Variants in TRIM24 observed in about 807,000 individuals in gnomAD.
TRIM24 encodes the protein transcription intermediary factor 1-alpha.
TRIM24 carries 29 observed loss-of-function variants against 123.9 expected under a neutral mutation model. The ratio of observed to expected loss-of-function variants is 0.23; its 90% CI spans 0.17 to 0.32. The LOEUF is 0.32. Ranked by LOEUF, TRIM24 falls within the 10% of genes least tolerant of loss-of-function variation. The pLI is 1.00. For missense variants in TRIM24, 932 were observed against 1,295.3 expected (o/e 0.72, Z 4.31); for synonymous variants, 456 against 461.1 (o/e 0.99, Z 0.14).
intron 1 of TRIM24, among the ~76,000 whole-genome samples, chr7:138,463,041 G>GTTTTTTTTTTTT: frequency 1.6e-5 from 1 of 61,202 alleles, no homozygotes; most frequent in South Asian, 5.4e-4. Flanking sequence ...GGCTAATTTT[G>GTTTTTTTTTTTT]TGTTTTTTTT....
At chr7:138,504,199 T>A (rs1209641289) in intron 1 of TRIM24, 91 bp from the exon 2 acceptor site, 1 of 767,974 alleles carries the variant, frequency 1.3e-6, no homozygotes, top group Non-Finnish European at 1.9e-6. Flanking sequence ...GAATGGACAT[T>A]GAAAAAGAAC....
At position 138,460,851 on chromosome 7, in the gene TRIM24, C is replaced by T. The variant is rs748543311; in HGVS notation, c.303C>T (p.Thr101=). The stretch of plus-strand genomic sequence containing the variant: ...CGCCCATGCTGGGCTCGGCCGAGAC[C>T]CCGCCACCCGTCCCTGCCCCCGGCT... ...LPAPMLGSAE[T]PPPVPAPGSP... The change falls in exon 1 of 19, where the codon ACC becomes ACT. Residue 101 remains threonine (T), a synonymous_variant. Coordinates refer to ENST00000343526, the MANE Select transcript of TRIM24 (RefSeq NM_015905.3). 1.3e-5 allele frequency: 20 copies of T among 1,559,852 alleles called. No individual in the cohort carries two copies. The highest frequency in any genetic ancestry group is 1.7e-5 in the Non-Finnish European group (20 of 1,161,450).
At chr7:138,524,631 CG>C (rs1459573696) in intron 4 of TRIM24, among the ~76,000 whole-genome samples, 6 of 152,050 alleles carry the variant, frequency 3.9e-5, no homozygotes, top group African/African-American at 1.4e-4. Context: ...TCTTCTATAT[CG>C]TTGCCTTTCT....
intron 10 of TRIM24, among the ~76,000 whole-genome samples, chr7:138,569,837 A>G (rs1797616438): frequency 6.6e-6 from 1 of 152,188 alleles, no homozygotes; most frequent in Admixed American, 6.5e-5. Context: ...TTCTTCCAGC[A>G]TGAAAATTTT....
chr7:138,561,459 T>G (rs1213228850), intron 9 of TRIM24, among the ~76,000 whole-genome samples: 1 of 152,176 alleles, frequency 6.6e-6, no homozygotes, highest in African/African-American at 2.4e-5. Flanking sequence ...ATAGGAGCCC[T>G]TGGTATTGAG....
chr7:138,514,142 C>G (rs1446862078), intron 2 of TRIM24, among the ~76,000 whole-genome samples: 1 of 152,172 alleles, frequency 6.6e-6, no homozygotes, highest in Non-Finnish European at 1.5e-5. Context: ...ATGGACATAT[C>G]AGGTATTTGG....
intron 3 of TRIM24, among the ~76,000 whole-genome samples, chr7:138,517,253 A>G (rs573700724): frequency 6.6e-6 from 1 of 152,146 alleles, no homozygotes; most frequent in East Asian, 1.9e-4. Context: ...ATGTTTATAT[A>G]TTTGTATCTT....
intron 1 of TRIM24, chr7:138,490,566 C>G (rs1179210613): frequency 4.8e-6 from 1 of 208,162 alleles, no homozygotes; most frequent in Non-Finnish European, 9.5e-6. Context: ...TTTTTATTTG[C>G]CACAATTAGA....
intron 6 of TRIM24, among the ~76,000 whole-genome samples, chr7:138,538,287 G>T (rs1229276370): frequency 6.6e-6 from 1 of 152,178 alleles, no homozygotes; most frequent in Non-Finnish European, 1.5e-5. Flanking sequence ...TAAATTATGT[G>T]ATAGAGTTAC....
intron 2 of TRIM24, among the ~76,000 whole-genome samples, chr7:138,509,362 A>G (rs1489711376): frequency 2.7e-5 from 4 of 148,998 alleles, no homozygotes; most frequent in Non-Finnish European, 5.9e-5. Context: ...TATGCGTAAT[A>G]TATAATACAG....
At chr7:138,501,343 G>A (rs1251390278) in intron 1 of TRIM24, among the ~76,000 whole-genome samples, 2 of 151,964 alleles carry the variant, frequency 1.3e-5, no homozygotes, top group African/African-American at 4.8e-5. Flanking sequence ...CAGTTCTCCT[G>A]CCTCAGCCTC....
At chr7:138,528,785 C>T (rs1796666151) in intron 5 of TRIM24, among the ~76,000 whole-genome samples, 1 of 13,058 alleles carries the variant, frequency 7.7e-5, no homozygotes, top group African/African-American at 6.0e-4. Flanking sequence ...CCACCCCCAC[C>T]CCCCCCCCCA....
At position 138,546,298 on chromosome 7, in the gene TRIM24, C is replaced by T. The variant is rs1030795621; in HGVS notation, c.1144-4765C>T. Among the ~76,000 whole-genome samples, 7 of 152,018 alleles carry T rather than the reference C, an allele frequency of 4.6e-5. No homozygotes were observed. In the East Asian group the frequency reaches 5.8e-4, roughly 13 times the overall value. ...ATCACCCAGGTTAAAGGTCATCCTG[C>T]GGAATGTAAGGCATAAAATCTTCAA... On this transcript the variant is annotated intron_variant, in intron 7 of 18. Coordinates refer to ENST00000343526, the MANE Select transcript of TRIM24 (RefSeq NM_015905.3).
intron 4 of TRIM24, among the ~76,000 whole-genome samples, chr7:138,522,933 T>A (rs1796533740): frequency 6.6e-6 from 1 of 152,142 alleles, no homozygotes; most frequent in South Asian, 2.1e-4. Flanking sequence ...AGCCTTGAGG[T>A]TTTTCTTTTT....
chr7:138,529,000 CAGAAAT>C (rs1796671107), intron 5 of TRIM24, 110 bp from the exon 6 acceptor site: 3 of 480,072 alleles, frequency 6.2e-6, no homozygotes, highest in South Asian at 4.4e-5. Context: ...GTGAAGGACT[CAGAAAT>C]AGAGCTTCTA....
intron 9 of TRIM24, among the ~76,000 whole-genome samples, chr7:138,565,969 T>C (rs1476723651): frequency 6.6e-6 from 1 of 152,100 alleles, no homozygotes; most frequent in Non-Finnish European, 1.5e-5. Flanking sequence ...AGTAAAGGAA[T>C]TTGATTTGCT....
At chr7:138,531,438 A>G (rs553781228) in intron 6 of TRIM24, among the ~76,000 whole-genome samples, 38 of 146,722 alleles carry the variant, frequency 2.6e-4, no homozygotes, top group Middle Eastern at 3.7e-3. Context: ...TCATTGTTCA[A>G]TTCCCACCTA....
Position 138,519,255 on chromosome 7 carries a change from T to C in TRIM24, c.698T>C (p.Leu233Pro). The change falls in exon 4 of 19, where the codon CTG (leucine) becomes CCG (proline). Residue 233 changes from leucine to proline, a missense_variant. Physicochemically the swap from Leu to Pro is moderately conservative, Grantham distance 98. Coordinates refer to ENST00000343526, the MANE Select transcript of TRIM24 (RefSeq NM_015905.3). ...CPFHKKEQLK[L>P]YCETCDKLTC... is the part of the protein sequence containing the mutation. ...TTTCATAAAAAGGAGCAGCTGAAGC[T>C]GTACTGTGAGACATGTGACAAACTG... is the stretch of plus-strand genomic sequence containing the variant. The C allele has an allele frequency of 6.2e-7, 1 of 1,614,118 alleles. No homozygotes were observed. Among genetic ancestry groups the C allele is most frequent in the Non-Finnish European group, 8.5e-7 (1 of 1,179,998 alleles).
intron 1 of TRIM24, among the ~76,000 whole-genome samples, chr7:138,489,078 A>G (rs1403346964): frequency 1.3e-5 from 2 of 152,016 alleles, no homozygotes; most frequent in Non-Finnish European, 2.9e-5. Context: ...TTTCTTGTTG[A>G]ATTGATCCCT....
Sources: allele counts gnomAD v4.1 joint callset (sites outside exome capture counted in the v4.1 genomes callset), GRCh38; gene constraint gnomAD v4.1.1; transcripts MANE v1.5; gene names NCBI Gene and HGNC (gene_info 2026-07-23, HGNC 2026-07-21).